Variants in HEATR4 observed in about 807,000 individuals in gnomAD.
HEATR4 encodes the protein HEAT repeat containing 4.
Under a neutral mutation model 108.8 loss-of-function variants are expected in HEATR4, and 95 were observed. The ratio of observed to expected loss-of-function variants is 0.87; its 90% CI spans 0.74 to 1.04. HEATR4 has a LOEUF of 1.04. Ranked by LOEUF, HEATR4 falls within the 50% of genes least tolerant of loss-of-function variation. HEATR4 has a pLI of 0.00. For synonymous variants in HEATR4, 443 were observed against 459.4 expected (o/e 0.96, Z 0.46); for missense variants, 1,152 against 1,253.8 (o/e 0.92, Z 1.23).
chr14:73,631,932 C>T, the HEATR4 span: 45 of 158,824 alleles, frequency 2.8e-4, no homozygotes, highest in African/African-American at 1.0e-3. Flanking sequence ...TCTACCAGCC[C>T]GTGGGACCAA....
chr14:73,595,059 C>G, the HEATR4 span: 5 of 1,613,614 alleles, frequency 3.1e-6, no homozygotes, highest in Non-Finnish European at 4.2e-6. Flanking sequence ...GTAAAAGGCC[C>G]AGGCATTGGG....
In HEATR4 at chr14:73,478,723, A is replaced by G; in HGVS notation, c.2964T>C (p.Ile988=). The G allele has an allele frequency of 6.2e-7, 1 of 1,613,344 alleles. No individual in the cohort carries two copies. Among genetic ancestry groups the G allele is most frequent in the Non-Finnish European group, 8.5e-7 (1 of 1,179,810 alleles). The change falls in exon 18 of 18, where the codon ATT becomes ATC. Residue 988 remains isoleucine, a synonymous_variant. Transcript: ENST00000553558. ...AGTCGGATCTAAATGGTCCCACAGC[A>G]ATCCTTTTCTCGGGGGAGGTGCGTA... is the stretch of plus-strand genomic sequence containing the variant. ...KDLRTSPEKR[I]AVGPFRSDYP...
At chr14:73,568,987 A>C in the HEATR4 span, 4 of 520,302 alleles carry the variant, frequency 7.7e-6, no homozygotes, top group Non-Finnish European at 1.4e-5. Flanking sequence ...TGGAGCCTGG[A>C]GACTGCTAGC....
chr14:73,492,764 A>C lies in HEATR4; in HGVS notation c.2844+302T>G. On this transcript the variant is annotated intron_variant, in intron 17 of 17. Transcript: ENST00000553558. This position sits in a 1 kb window ranked among gnomAD's most constrained non-coding sequence, Gnocchi z 4.9. ...CCGTGTGTATCATCTGGAAGAACCCAAGTGCTTGGAAATATACCCCCAGCA... is the reference window on the plus strand; with the variant it reads ...CCGTGTGTATCATCTGGAAGAACCCCAGTGCTTGGAAATATACCCCCAGCA... 6.2e-7 allele frequency: 1 copy of C among 1,613,938 alleles called. No individual in the cohort carries two copies. Among genetic ancestry groups the C allele is most frequent in the South Asian group, 1.1e-5 (1 of 91,084 alleles).
intron 1 of HEATR4, among the ~76,000 whole-genome samples, chr14:73,542,730 C>T (rs66716175): frequency 0.35 from 38,479 of 110,070 alleles, 15,174 homozygotes; most frequent in Admixed American, 0.5. Context: ...TTGTTGATGA[C>T]GACTCAGTTT....
the HEATR4 span, among the ~76,000 whole-genome samples, chr14:73,629,925 A>G: frequency 1.0e-3 from 154 of 151,916 alleles, 1 homozygote; most frequent in Non-Finnish European, 3.1e-4. Flanking sequence ...GGGATTACAG[A>G]CGTGAACCAC....
chr14:73,595,812 T>A, the HEATR4 span: 2 of 882,312 alleles, frequency 2.3e-6, no homozygotes, highest in Non-Finnish European at 3.2e-6. Context: ...GTCGTTAGTT[T>A]TACTAATGTA....
At chr14:73,592,080 G>A in the HEATR4 span, 9 of 1,486,572 alleles carry the variant, frequency 6.1e-6, no homozygotes, top group African/African-American at 5.9e-5. Flanking sequence ...CCTGCGCGAC[G>A]AGAAGGGCGC....
chr14:73,589,762 G>A, the HEATR4 span, among the ~76,000 whole-genome samples: 1 of 152,138 alleles, frequency 6.6e-6, no homozygotes, highest in Non-Finnish European at 1.5e-5. Context: ...AGACCCTCGC[G>A]GAGATGTTAC....
the HEATR4 span, chr14:73,595,567 G>A: frequency 6.3e-7 from 1 of 1,584,976 alleles, no homozygotes. Flanking sequence ...CTCATTCTAA[G>A]GCCCAGGAAG....
the HEATR4 span, among the ~76,000 whole-genome samples, chr14:73,585,875 C>G: frequency 7.3e-6 from 1 of 136,612 alleles, no homozygotes; most frequent in African/African-American, 2.8e-5. Context: ...GGCTGGAGTG[C>G]AGCAGCGCAA....
At chr14:73,605,556 C>CTTTTTTTT in the HEATR4 span, among the ~76,000 whole-genome samples, 103 of 56,936 alleles carry the variant, frequency 1.8e-3, 2 homozygotes, top group Non-Finnish European at 3.1e-3. Context: ...CTGTAAGATT[C>CTTTTTTTT]TTTTTTTTTT....
At chr14:73,619,649 G>C in the HEATR4 span, 2 of 1,614,170 alleles carry the variant, frequency 1.2e-6, no homozygotes, top group Non-Finnish European at 1.7e-6. Context: ...CCAGAAACTG[G>C]TCACTGTATT....
Position 73,545,695 on chromosome 14 carries a change from T to A in HEATR4, c.-152+13056A>T, listed in dbSNP as rs1889219949. ...ATTGTTTTATCTTTTCCCTTGCAAT[T>A]ATATAGTATATGACTCTCTTAGAAA... On this transcript the variant is annotated intron_variant, in intron 1 of 17. Transcript: ENST00000553558. 3.3e-5 allele frequency among the ~76,000 whole-genome samples: 3 copies of A among 91,630 alleles called. 1 individual carries two copies. The highest frequency in any genetic ancestry group is 1.1e-4 in the African/African-American group (3 of 28,512). 60.1% of individuals were successfully genotyped at this position (91,630 alleles called of 152,430 possible).
At chr14:73,533,885 A>G (rs1419932042) in intron 1 of HEATR4, among the ~76,000 whole-genome samples, 1 of 103,944 alleles carries the variant, frequency 9.6e-6, no homozygotes, top group African/African-American at 3.1e-5. Context: ...TGTCTCTAAA[A>G]AAAAAAAAAA....
At chr14:73,524,456 T>C (rs1479804854) in intron 2 of HEATR4, among the ~76,000 whole-genome samples, 2 of 150,936 alleles carry the variant, frequency 1.3e-5, no homozygotes, top group Non-Finnish European at 2.9e-5. Context: ...AATGCTTAGA[T>C]TTAATGTTAG....
Position 73,478,560 on chromosome 14 carries a change from C to T in HEATR4, c.*46G>A. The T allele has an allele frequency of 5.5e-6, 7 of 1,276,756 alleles. No homozygotes were observed. Among genetic ancestry groups the T allele is most frequent in the African/African-American group, 1.5e-5 (1 of 67,512 alleles). The allele number at this position is 1,276,756 out of a possible 1,614,324, so 79.1% of individuals were successfully genotyped here. A position where few individuals can be genotyped will look rare whatever the true frequency, so the allele number is the denominator to read the frequency against. On this transcript the variant is annotated 3_prime_UTR_variant, in exon 18 of 18. Coordinates refer to ENST00000553558, the MANE Select transcript of HEATR4 (RefSeq NM_001220484.1). ...TATCAATTAAAAAGACCCAATGTGA[C>T]CAGGTCCACTGCTTCCTGCATCTTG...
chr14:73,531,647 G>A (rs1273487669), intron 1 of HEATR4, among the ~76,000 whole-genome samples: 1 of 110,564 alleles, frequency 9.0e-6, no homozygotes, highest in African/African-American at 2.9e-5. Flanking sequence ...GACCTCAAGT[G>A]ATGCACCTGC....
chr14:73,572,687 G>A, the HEATR4 span, among the ~76,000 whole-genome samples: 51 of 135,394 alleles, frequency 3.8e-4, 1 homozygote, highest in South Asian at 9.5e-3. Context: ...TCGCTCTTTC[G>A]CCCAGGCTGG....
Sources: allele counts gnomAD v4.1 joint callset (sites outside exome capture counted in the v4.1 genomes callset), GRCh38; gene constraint gnomAD v4.1.1; non-coding constraint Gnocchi (gnomAD v3.1); transcripts MANE v1.5; gene names NCBI Gene and HGNC (gene_info 2026-07-23, HGNC 2026-07-21).